ST3GAL2: variants seen among roughly 807,000 people sequenced by gnomAD.
ST3GAL2 encodes the protein ST3 beta-galactoside alpha-2,3-sialyltransferase 2.
Under a neutral mutation model 37.5 loss-of-function variants are expected in ST3GAL2, and 16 were observed. That is an observed-to-expected ratio of 0.43 (90% CI 0.29 to 0.65). The LOEUF is 0.65. Ranked by LOEUF, ST3GAL2 falls within the 30% of genes least tolerant of loss-of-function variation. The pLI, the probability that ST3GAL2 is intolerant of heterozygous loss-of-function variation, is 0.17. For missense variants in ST3GAL2, 383 were observed against 487.8 expected (o/e 0.79, Z 2.02); for synonymous variants, 238 against 202.9 (o/e 1.17, Z -1.47).
At chr16:70,382,051 CTTT>C (rs11320527) in intron 6 of ST3GAL2, among the ~76,000 whole-genome samples, 189 bp from the exon 7 acceptor site, 14 of 129,258 alleles carry the variant, frequency 1.1e-4, no homozygotes, top group Admixed American at 2.3e-4. Flanking sequence ...CAAATTCCTC[CTTT>C]TTTTTTTTTT....
chr16:70,429,389 C>T (rs954889201), intron 1 of ST3GAL2, among the ~76,000 whole-genome samples: 4 of 151,898 alleles, frequency 2.6e-5, no homozygotes, highest in African/African-American at 7.3e-5. Context: ...GTCAGGAGAT[C>T]GAGACCATCC....
intron 1 of ST3GAL2, among the ~76,000 whole-genome samples, chr16:70,428,912 G>T (rs1217156790): frequency 3.9e-5 from 6 of 152,198 alleles, no homozygotes; most frequent in Non-Finnish European, 8.8e-5. Context: ...GTAAAAGGGT[G>T]GGGGAGAACT....
chr16:70,419,566 A>G (rs1488967280), intron 1 of ST3GAL2, among the ~76,000 whole-genome samples: 2 of 152,190 alleles, frequency 1.3e-5, no homozygotes, highest in Admixed American at 1.3e-4. Flanking sequence ...GGCTCAGCCC[A>G]AAGCTCCAAC....
chr16:70,387,081 C>T lies in ST3GAL2; in HGVS notation c.713+1286G>A, dbSNP rs576217343. Among the ~76,000 whole-genome samples, 4 of 152,186 alleles carry T rather than the reference C, an allele frequency of 2.6e-5. No individual in the cohort carries two copies. The East Asian group carries it at 7.7e-4, about 29-fold the overall frequency. ...CCAGCCTGGCCAACATAGCGAAACC[C>T]CATCTCTACTAAAAATACAAAAATT... is the stretch of plus-strand genomic sequence containing the variant. On this transcript the variant is annotated intron_variant, in intron 4 of 6. Coordinates refer to ENST00000342907, the MANE Select transcript of ST3GAL2 (RefSeq NM_006927.4).
intron 1 of ST3GAL2, among the ~76,000 whole-genome samples, chr16:70,435,216 A>T: frequency 6.6e-6 from 1 of 152,192 alleles, no homozygotes; most frequent in Non-Finnish European, 1.5e-5. Flanking sequence ...CCTGGGCAAC[A>T]TCAGAATGAA....
At chr16:70,386,503 C>A (rs2047444876) in intron 4 of ST3GAL2, among the ~76,000 whole-genome samples, 2 of 151,880 alleles carry the variant, frequency 1.3e-5, no homozygotes, top group Admixed American at 6.6e-5. Context: ...CCACACCCAG[C>A]TAATTTTTGT....
intron 1 of ST3GAL2, among the ~76,000 whole-genome samples, chr16:70,435,867 C>T (rs1249129572): frequency 6.6e-6 from 1 of 151,886 alleles, no homozygotes; most frequent in East Asian, 1.9e-4. Context: ...GTAGCTCACG[C>T]CTCTAATCCC....
chr16:70,389,105 C>T (rs1032890211), intron 3 of ST3GAL2, among the ~76,000 whole-genome samples: 8 of 122,510 alleles, frequency 6.5e-5, no homozygotes, highest in Non-Finnish European at 1.2e-4. Flanking sequence ...GTTGGCCGGG[C>T]GCGGTGGCTC....
chr16:70,420,023 CCTT>C (rs2047703702), intron 1 of ST3GAL2, among the ~76,000 whole-genome samples: 1 of 143,116 alleles, frequency 7.0e-6, no homozygotes, highest in Non-Finnish European at 1.5e-5. Flanking sequence ...CCCCCCCTTC[CCTT>C]TTTTTTTTTT....
chr16:70,415,546 G>A (rs1219329792), intron 1 of ST3GAL2, among the ~76,000 whole-genome samples: 1 of 151,966 alleles, frequency 6.6e-6, no homozygotes, highest in African/African-American at 2.4e-5. Flanking sequence ...CCATCTCCCG[G>A]GTTCAAGCGA....
At chr16:70,423,072 G>C (rs1385357731) in intron 1 of ST3GAL2, 1 of 152,334 alleles carries the variant, frequency 6.6e-6, no homozygotes, top group African/African-American at 2.4e-5. Flanking sequence ...CCTCATCCCA[G>C]TGCCAGCAAG....
chr16:70,438,264 C>G (rs1327791955), intron 1 of ST3GAL2, among the ~76,000 whole-genome samples: 1 of 152,070 alleles, frequency 6.6e-6, no homozygotes, highest in Non-Finnish European at 1.5e-5. Flanking sequence ...GAAGTTTGGT[C>G]CAGTCACAGG....
chr16:70,415,308 T>C (rs59447375), intron 1 of ST3GAL2, among the ~76,000 whole-genome samples: 13,916 of 152,218 alleles, frequency 0.091, 826 homozygotes, highest in South Asian at 0.18. Context: ...GTGAATACTC[T>C]GCAGCTGCAT....
intron 1 of ST3GAL2, among the ~76,000 whole-genome samples, chr16:70,430,405 G>A (rs1258910097): frequency 1.3e-5 from 2 of 152,266 alleles, no homozygotes; most frequent in African/African-American, 4.8e-5. Flanking sequence ...CAGGCACTGA[G>A]GAAAATCCTT....
intron 1 of ST3GAL2, among the ~76,000 whole-genome samples, chr16:70,436,721 C>T (rs187046775): frequency 1.3e-5 from 2 of 152,050 alleles, no homozygotes; most frequent in Admixed American, 6.6e-5. Context: ...TGAGACCTTC[C>T]GCTGTAATTC....
chr16:70,390,823 G>A (rs542380933), intron 3 of ST3GAL2, among the ~76,000 whole-genome samples: 6 of 152,274 alleles, frequency 3.9e-5, no homozygotes, highest in East Asian at 1.9e-4. Context: ...TGCATCTTAC[G>A]TAACAGGTGA....
intron 1 of ST3GAL2, 66 bp downstream of exon 1, chr16:70,438,883 G>A (rs1044935824): frequency 6.6e-6 from 1 of 152,166 alleles, no homozygotes; most frequent in Non-Finnish European, 1.5e-5. Context: ...CCCGCGCAGG[G>A]GAGGTCTGGG....
chr16:70,437,238 C>G (rs1368689742), intron 1 of ST3GAL2, among the ~76,000 whole-genome samples: 2 of 152,256 alleles, frequency 1.3e-5, no homozygotes, highest in Non-Finnish European at 2.9e-5. Flanking sequence ...GGTGCAGAGG[C>G]AGACATAAAC....
intron 1 of ST3GAL2, among the ~76,000 whole-genome samples, chr16:70,429,691 G>T (rs1260763449): frequency 6.8e-6 from 1 of 146,768 alleles, no homozygotes; most frequent in Non-Finnish European, 1.5e-5. Flanking sequence ...GCCCAGGCTG[G>T]AGTGAAATGG....
Sources: allele counts gnomAD v4.1 joint callset (sites outside exome capture counted in the v4.1 genomes callset), GRCh38; gene constraint gnomAD v4.1.1; transcripts MANE v1.5; gene names NCBI Gene and HGNC (gene_info 2026-07-23, HGNC 2026-07-21).